The following HS6ST2 variants were observed in gnomAD, a reference collection of about 807,000 sequenced individuals.
HS6ST2 encodes the protein heparan-sulfate 6-O-sulfotransferase 2.
In HS6ST2, 17 loss-of-function variants were observed where a neutral mutation model predicts 33.0. That is an observed-to-expected ratio of 0.52 (90% CI 0.35 to 0.77). The LOEUF is 0.77. Among genes scored for constraint, HS6ST2 ranks in the 30% least tolerant of loss-of-function variants. The pLI is 0.01. For missense variants in HS6ST2, 519 were observed against 551.7 expected (o/e 0.94, Z 0.59); for synonymous variants, 248 against 237.1 (o/e 1.05, Z -0.42).
chrX:132,629,060 T>G lies in HS6ST2; in HGVS notation c.1101A>C (p.Pro367=). The G allele has an allele frequency of 8.3e-7, 1 of 1,200,815 alleles. No individual in the cohort carries two copies. ...TCCACTCACTCAAGTACCGGGACAC[T>G]GGGTCTCGGAGGATGGTGATGTAGT... ...NFHYITILRD[P]VSRYLSEWRH... is the part of the protein sequence containing the mutation. The change falls in exon 5 of 5, where the codon CCA becomes CCC. Residue 367 remains proline (P), a synonymous_variant. Coordinates refer to ENST00000370833, the MANE Select transcript of HS6ST2 (RefSeq NM_001394073.1).
At chrX:132,688,065 C>T (rs2064033383) in intron 3 of HS6ST2, among the ~76,000 whole-genome samples, 1 of 112,366 alleles carries the variant, frequency 8.9e-6, no homozygotes, top group East Asian at 2.8e-4. Flanking sequence ...TCTGACAATC[C>T]TCATACAAAT....
Position 132,811,564 on chromosome X carries a change from A to G in HS6ST2, c.948-103070T>C, listed in dbSNP as rs184929182. 5.0e-3 allele frequency among the ~76,000 whole-genome samples: 525 copies of G among 105,722 alleles called. 1 individual carries two copies. The highest frequency in any genetic ancestry group is 0.033 in the Admixed American group (322 of 9,665). 91.8% of individuals were successfully genotyped at this position (105,722 alleles called of 115,157 possible). On this transcript the variant is annotated intron_variant, in intron 2 of 4. Coordinates refer to ENST00000370833, the MANE Select transcript of HS6ST2 (RefSeq NM_001394073.1). ...AGGTACTTCATACAAGGGGAATCATACAGTGATTTTGTAACTGGCTTATTT... is the reference window on the plus strand; with the variant it reads ...AGGTACTTCATACAAGGGGAATCATGCAGTGATTTTGTAACTGGCTTATTT...
chrX:132,753,442 GGCCGTTC>G (rs1323891581), intron 2 of HS6ST2, among the ~76,000 whole-genome samples: 2 of 111,070 alleles, frequency 1.8e-5, no homozygotes, highest in Non-Finnish European at 3.8e-5. Context: ...GACTCATGGG[GGCCGTTC>G]CCCCCATACT....
At chrX:132,957,816 T>A (rs2067100959) in intron 1 of HS6ST2, among the ~76,000 whole-genome samples, 1 of 110,744 alleles carries the variant, frequency 9.0e-6, no homozygotes, top group African/African-American at 3.3e-5. Flanking sequence ...TCTGTCCGGG[T>A]TTCTCCCCGC....
chrX:132,822,949 C>T (rs1370725265), intron 2 of HS6ST2, among the ~76,000 whole-genome samples: 1 of 112,483 alleles, frequency 8.9e-6, no homozygotes, highest in Non-Finnish European at 1.9e-5. Flanking sequence ...CAAGAGTCCA[C>T]TGTAAAGCAG....
chrX:132,769,450 T>G (rs1194438872), intron 2 of HS6ST2, among the ~76,000 whole-genome samples: 2 of 111,883 alleles, frequency 1.8e-5, no homozygotes, highest in Non-Finnish European at 3.8e-5. Flanking sequence ...ATAGACCAGT[T>G]TCCACCACCT....
intron 2 of HS6ST2, among the ~76,000 whole-genome samples, chrX:132,794,157 A>G (rs1184057717): frequency 1.8e-5 from 2 of 112,159 alleles, no homozygotes; most frequent in African/African-American, 3.2e-5. Flanking sequence ...GGTTCATTTA[A>G]ATCTCAAACT....
intron 1 of HS6ST2, among the ~76,000 whole-genome samples, chrX:132,957,740 C>T (rs1267126532): frequency 9.2e-6 from 1 of 109,091 alleles, no homozygotes; most frequent in Non-Finnish European, 1.9e-5. Context: ...CGCTCCCATC[C>T]CCATCCCGCT....
chrX:132,773,091 TATAA>T (rs1263947916), intron 2 of HS6ST2, among the ~76,000 whole-genome samples: 128 of 96,551 alleles, frequency 1.3e-3, no homozygotes, highest in African/African-American at 4.7e-3. Context: ...ATTTACAATC[TATAA>T]ATAGATTATA....
chrX:132,919,386 T>C, intron 2 of HS6ST2, among the ~76,000 whole-genome samples: 2 of 111,931 alleles, frequency 1.8e-5, no homozygotes, highest in Non-Finnish European at 3.8e-5. Flanking sequence ...TTTTAGGACT[T>C]CTCTAAGAAG....
intron 2 of HS6ST2, among the ~76,000 whole-genome samples, chrX:132,762,333 G>C (rs750127067): frequency 1.9e-4 from 21 of 111,843 alleles, no homozygotes; most frequent in Non-Finnish European, 3.6e-4. Flanking sequence ...TATGAAATGT[G>C]TGAGATGACT....
chrX:132,859,444 C>T (rs1340989526), intron 2 of HS6ST2, among the ~76,000 whole-genome samples: 2 of 110,382 alleles, frequency 1.8e-5, no homozygotes, highest in Non-Finnish European at 3.8e-5. Context: ...TACATGCACT[C>T]GAAAGAGCCC....
intron 2 of HS6ST2, among the ~76,000 whole-genome samples, chrX:132,898,133 T>C (rs2066392971): frequency 9.1e-6 from 1 of 109,988 alleles, no homozygotes; most frequent in South Asian, 4.0e-4. Flanking sequence ...GAGAATCTAA[T>C]GCTTGATGAT....
intron 4 of HS6ST2, among the ~76,000 whole-genome samples, chrX:132,662,310 G>A (rs923175432): frequency 3.6e-5 from 4 of 111,365 alleles, no homozygotes; most frequent in Non-Finnish European, 7.5e-5. Context: ...TTTTTATTAC[G>A]TGGAAAAAAA....
intron 2 of HS6ST2, among the ~76,000 whole-genome samples, chrX:132,862,738 T>G (rs1569498002): frequency 8.9e-6 from 1 of 112,313 alleles, no homozygotes. Flanking sequence ...CAGAAATGTT[T>G]ATTGGCCAGA....
chrX:132,642,532 G>A lies in HS6ST2; in HGVS notation c.1068-13439C>T, dbSNP rs183694219. On this transcript the variant is annotated intron_variant, in intron 4 of 4. Coordinates refer to ENST00000370833, the MANE Select transcript of HS6ST2 (RefSeq NM_001394073.1). ...GAATTTCAAGGGCTGGCAGGGTCAT[G>A]CCTCCTTTCACCTGGGAAAGTTTTT... is the stretch of plus-strand genomic sequence containing the variant. 2.7e-5 allele frequency among the ~76,000 whole-genome samples: 3 copies of A among 111,950 alleles called. No homozygotes were observed. The East Asian group carries it at 8.5e-4, about 32-fold the overall frequency.
chrX:132,733,246 C>T (rs1188739256), intron 2 of HS6ST2, among the ~76,000 whole-genome samples: 1 of 111,617 alleles, frequency 9.0e-6, no homozygotes, highest in African/African-American at 3.3e-5. Context: ...TAGGGTTCCC[C>T]TACTAAATGT....
intron 2 of HS6ST2, among the ~76,000 whole-genome samples, chrX:132,947,686 T>G (rs1012461934): frequency 3.6e-5 from 4 of 112,036 alleles, no homozygotes; most frequent in African/African-American, 1.3e-4. Flanking sequence ...ACACAGCATA[T>G]AGCTGGATTT....
chrX:132,792,694 T>C (rs1274495060), intron 2 of HS6ST2, among the ~76,000 whole-genome samples: 1 of 111,651 alleles, frequency 9.0e-6, no homozygotes, highest in Non-Finnish European at 1.9e-5. Context: ...ACCACTAATC[T>C]GCTTTCTGTC....
Sources: allele counts gnomAD v4.1 joint callset (sites outside exome capture counted in the v4.1 genomes callset), GRCh38; gene constraint gnomAD v4.1.1; transcripts MANE v1.5; gene names NCBI Gene and HGNC (gene_info 2026-07-23, HGNC 2026-07-21).